FGF12: variants seen among roughly 807,000 people sequenced by gnomAD.
The protein encoded by FGF12 is fibroblast growth factor 12.
In FGF12, 14 loss-of-function variants were observed where a neutral mutation model predicts 23.6. The observed-to-expected ratio is 0.59, with a 90% CI of 0.39 to 0.93. FGF12 has a LOEUF of 0.93. Ranked by LOEUF, FGF12 falls within the 40% of genes least tolerant of loss-of-function variation. The probability of loss-of-function intolerance (pLI) is 0.00; values close to 1 mark genes in which losing one functional copy is unlikely to be tolerated. For missense variants in FGF12, 175 were observed against 217.8 expected, an observed-to-expected ratio of 0.80 and a Z score of 1.24; for synonymous variants, 62 against 77.3, an observed-to-expected ratio of 0.80 and a Z score of 1.04.
intron 2 of FGF12, among the ~76,000 whole-genome samples, chr3:192,381,157 T>C (rs1239126952): frequency 1.3e-5 from 2 of 152,150 alleles, no homozygotes; most frequent in Non-Finnish European, 2.9e-5. Context: ...GCTACCATAT[T>C]ATACAGCACA....
chr3:192,185,286 T>C (rs1367950134), intron 4 of FGF12, among the ~76,000 whole-genome samples: 1 of 152,218 alleles, frequency 6.6e-6, no homozygotes, highest in African/African-American at 2.4e-5. Flanking sequence ...CTGTCTTATT[T>C]CTCACTGAAA....
chr3:192,214,722 C>A lies in FGF12; in HGVS notation c.229-44066G>T, dbSNP rs890638554. 2.0e-5 allele frequency among the ~76,000 whole-genome samples: 3 copies of A among 152,166 alleles called. No individual in the cohort carries two copies. In the East Asian group the frequency reaches 5.8e-4, roughly 29 times the overall value. On this transcript the variant is annotated intron_variant, in intron 4 of 5. Transcript: ENST00000445105. ...ATGCCAACTCATAAGCATTGTTAGT[C>A]CAAGGCCAACAGCTGTCTTAAATAT...
chr3:192,223,804 T>C (rs983894810), intron 4 of FGF12, among the ~76,000 whole-genome samples: 1 of 152,152 alleles, frequency 6.6e-6, no homozygotes, highest in Non-Finnish European at 1.5e-5. Flanking sequence ...TTCTTTAAAA[T>C]ATTCACTACT....
intron 2 of FGF12, among the ~76,000 whole-genome samples, chr3:192,711,289 G>C (rs1413124674): frequency 1.6e-5 from 2 of 126,932 alleles, no homozygotes; most frequent in East Asian, 3.0e-4. Context: ...AGGGAGGTGG[G>C]GGGCAGCCCC....
chr3:192,454,983 T>G (rs959458168), intron 2 of FGF12, among the ~76,000 whole-genome samples: 1 of 152,200 alleles, frequency 6.6e-6, no homozygotes, highest in Admixed American at 6.5e-5. Flanking sequence ...ATTATTAATT[T>G]CAAATGGGGA....
chr3:192,685,564 G>T (rs1478196988), intron 2 of FGF12, among the ~76,000 whole-genome samples: 1 of 152,076 alleles, frequency 6.6e-6, no homozygotes, highest in Non-Finnish European at 1.5e-5. Context: ...CAGTTTCTTA[G>T]GTATCGTGAG....
chr3:192,310,803 T>A (rs1262803651), intron 4 of FGF12, among the ~76,000 whole-genome samples: 1 of 152,146 alleles, frequency 6.6e-6, no homozygotes, highest in East Asian at 1.9e-4. Flanking sequence ...AAACTCTTAA[T>A]CAGGAAAACT....
At chr3:192,605,804 C>A (rs1390042065) in intron 2 of FGF12, among the ~76,000 whole-genome samples, 5 of 152,062 alleles carry the variant, frequency 3.3e-5, no homozygotes, top group Admixed American at 3.3e-4. Flanking sequence ...AAATGAAAAT[C>A]AAGACCACAA....
intron 2 of FGF12, among the ~76,000 whole-genome samples, chr3:192,638,082 C>T (rs1400637727): frequency 6.6e-6 from 1 of 151,968 alleles, no homozygotes. Context: ...GTAAGCCTTG[C>T]CAAAGCTATG....
At chr3:192,520,723 A>G (rs1724794562) in intron 2 of FGF12, among the ~76,000 whole-genome samples, 2 of 152,242 alleles carry the variant, frequency 1.3e-5, no homozygotes, top group South Asian at 4.1e-4. Context: ...TAGCTTGATA[A>G]TCGTTATTCC....
At chr3:192,414,640 A>G (rs184911560) in intron 2 of FGF12, among the ~76,000 whole-genome samples, 5 of 152,338 alleles carry the variant, frequency 3.3e-5, no homozygotes, top group East Asian at 3.9e-4. Context: ...TGAGACTCCA[A>G]TAAGTAATGT....
intron 4 of FGF12, among the ~76,000 whole-genome samples, chr3:192,229,787 C>T (rs1208216860): frequency 1.3e-5 from 2 of 151,986 alleles, no homozygotes; most frequent in African/African-American, 4.8e-5. Context: ...TAAATGAAAG[C>T]GATCTACTCA....
chr3:192,341,998 C>A (rs1343712041), intron 3 of FGF12, among the ~76,000 whole-genome samples: 1 of 150,930 alleles, frequency 6.6e-6, no homozygotes, highest in Non-Finnish European at 1.5e-5. Flanking sequence ...ATGCCAAATA[C>A]CATGCCTAGG....
intron 4 of FGF12, among the ~76,000 whole-genome samples, chr3:192,325,565 C>G (rs1310932999): frequency 6.6e-6 from 1 of 152,086 alleles, no homozygotes; most frequent in African/African-American, 2.4e-5. Context: ...GTGAATATGC[C>G]TCAGATTTCA....
At chr3:192,717,771 C>T (rs1251972114) in intron 2 of FGF12, among the ~76,000 whole-genome samples, 4 of 152,134 alleles carry the variant, frequency 2.6e-5, no homozygotes, top group Non-Finnish European at 2.9e-5. Context: ...TCCACATGTA[C>T]TATTTTTATA....
chr3:192,594,664 T>C (rs755275267), intron 2 of FGF12, among the ~76,000 whole-genome samples: 2 of 151,628 alleles, frequency 1.3e-5, no homozygotes, highest in African/African-American at 2.4e-5. Flanking sequence ...CATGATGGGA[T>C]TGGTGGTTTT....
intron 2 of FGF12, among the ~76,000 whole-genome samples, chr3:192,474,464 T>C (rs762487090): frequency 6.6e-6 from 1 of 152,248 alleles, no homozygotes; most frequent in Non-Finnish European, 1.5e-5. Flanking sequence ...GGTGCTTGGA[T>C]AGGAACATAA....
intron 5 of FGF12, among the ~76,000 whole-genome samples, chr3:192,155,303 C>T (rs950219909): frequency 2.6e-5 from 4 of 152,242 alleles, no homozygotes; most frequent in African/African-American, 7.2e-5. Flanking sequence ...AGCTGTAGAC[C>T]GGAGCTGTTC....
At chr3:192,216,659 C>A (rs1390883621) in intron 4 of FGF12, among the ~76,000 whole-genome samples, 1 of 152,116 alleles carries the variant, frequency 6.6e-6, no homozygotes, top group African/African-American at 2.4e-5. Context: ...GGGTAGAAAA[C>A]AATCTCTAAA....
Sources: allele counts gnomAD v4.1 joint callset (sites outside exome capture counted in the v4.1 genomes callset), GRCh38; gene constraint gnomAD v4.1.1; transcripts MANE v1.5; gene names NCBI Gene and HGNC (gene_info 2026-07-23, HGNC 2026-07-21).